AFTPH: variants seen among roughly 807,000 people sequenced by gnomAD.
AFTPH encodes aftiphilin protein.
A neutral mutation model predicts 72.5 loss-of-function variants in AFTPH; 7 were observed. The observed-to-expected ratio is 0.10, with a 90% CI of 0.05 to 0.18. The LOEUF is 0.18. Ranked by LOEUF, AFTPH falls within the 10% of genes least tolerant of loss-of-function variation. AFTPH has a pLI of 1.00. For missense variants in AFTPH, 979 were observed against 1,060.5 expected (o/e 0.92, Z 1.07); for synonymous variants, 337 against 370.1 (o/e 0.91, Z 1.03).
intron 1 of AFTPH, among the ~76,000 whole-genome samples, chr2:64,535,945 TAAAAC>T (rs1669858803): frequency 6.6e-6 from 1 of 152,218 alleles, no homozygotes; most frequent in South Asian, 2.1e-4. Flanking sequence ...TGTGGGATGT[TAAAAC>T]AAATACAGTA....
At chr2:64,575,311 C>T (rs1327301319) in intron 6 of AFTPH, among the ~76,000 whole-genome samples, 6 of 152,098 alleles carry the variant, frequency 3.9e-5, no homozygotes, top group African/African-American at 1.4e-4. Flanking sequence ...TTGCTTGACT[C>T]CATACCTCTG....
rs1670227315 is a variant in AFTPH at position 64,541,141 on chromosome 2, A to T, written c.-32-10302A>T. 2.6e-5 allele frequency among the ~76,000 whole-genome samples: 4 copies of T among 152,158 alleles called. No homozygotes were observed. In the South Asian group the frequency reaches 8.3e-4, roughly 31 times the overall value. ...ATGAAGCATTTCCACCTCATATGAT[A>T]GTATGAGGAGATAATTGAGATAACT... On this transcript the variant is annotated intron_variant, in intron 1 of 8. Transcript: ENST00000238856.
At chr2:64,557,589 C>T (rs1407865367) in intron 2 of AFTPH, among the ~76,000 whole-genome samples, 3 of 152,180 alleles carry the variant, frequency 2.0e-5, no homozygotes, top group Non-Finnish European at 2.9e-5. Context: ...AAGCGAGTCT[C>T]GTGCCTCAGC....
intron 1 of AFTPH, among the ~76,000 whole-genome samples, chr2:64,529,360 C>G (rs1318735450): frequency 7.0e-6 from 1 of 142,940 alleles, no homozygotes; most frequent in Admixed American, 6.9e-5. Flanking sequence ...CAAGTGTGAT[C>G]TTTTTCTTAG....
At chr2:64,592,115 T>TA (rs35699964) in exon 9 of AFTPH, 93,924 of 837,746 alleles carry the variant, frequency 0.11, 1,041 homozygotes, top group African/African-American at 0.23. Flanking sequence ...CTGCTCTAAT[T>TA]AAAAAAAAAA....
At chr2:64,553,520 G>A (rs745856777) in intron 2 of AFTPH, 111 bp downstream of exon 2, 11 of 1,201,234 alleles carry the variant, frequency 9.2e-6, no homozygotes, top group South Asian at 1.8e-5. Flanking sequence ...AAGGAGTCTC[G>A]TTATGATGTA....
At position 64,569,613 on chromosome 2, in the gene AFTPH, G is replaced by A. The variant is rs183085258; in HGVS notation, c.2215-10G>A. ...TAAATATATGTTCTTTCTGTCTAACGTGTGTGTAGCTCTTCACGGGCAATA... is the reference window on the plus strand; with the variant it reads ...TAAATATATGTTCTTTCTGTCTAACATGTGTGTAGCTCTTCACGGGCAATA... On this transcript the variant is annotated splice_polypyrimidine_tract_variant and intron_variant, in intron 4 of 8. Transcript: ENST00000238856. 7.3e-4 allele frequency: 1,180 copies of A among 1,613,032 alleles called. 7 individuals are homozygous for A. Among genetic ancestry groups the A allele is most frequent in the Non-Finnish European group, 5.8e-4 (680 of 1,179,312 alleles).
At chr2:64,568,501 G>A (rs1241617893) in intron 3 of AFTPH, among the ~76,000 whole-genome samples, 1 of 152,154 alleles carries the variant, frequency 6.6e-6, no homozygotes, top group Non-Finnish European at 1.5e-5. Flanking sequence ...TTTTGGTGGA[G>A]CATATCCTCC....
intron 1 of AFTPH, among the ~76,000 whole-genome samples, chr2:64,526,967 T>G (rs1205385369): frequency 2.6e-5 from 4 of 152,222 alleles, no homozygotes; most frequent in African/African-American, 9.6e-5. Flanking sequence ...CAGATCCGTT[T>G]GCTAGACCAT....
intron 7 of AFTPH, among the ~76,000 whole-genome samples, chr2:64,583,613 G>T (rs893115108): frequency 3.9e-5 from 6 of 152,102 alleles, no homozygotes; most frequent in Admixed American, 3.3e-4. Context: ...GTGGTTGCTG[G>T]AATCTAGCCT....
intron 1 of AFTPH, among the ~76,000 whole-genome samples, chr2:64,540,467 T>C (rs1183833002): frequency 1.3e-5 from 2 of 152,170 alleles, no homozygotes; most frequent in Non-Finnish European, 1.5e-5. Context: ...CATGAAACTA[T>C]CCAAATGCAA....
At chr2:64,560,285 T>C (rs1217881812) in intron 2 of AFTPH, among the ~76,000 whole-genome samples, 1 of 151,862 alleles carries the variant, frequency 6.6e-6, no homozygotes, top group Non-Finnish European at 1.5e-5. Context: ...TAGGAATGAG[T>C]AAAAGTTGTC....
intron 8 of AFTPH, among the ~76,000 whole-genome samples, chr2:64,586,126 C>T (rs1573049326): frequency 1.3e-5 from 2 of 152,242 alleles, no homozygotes; most frequent in Non-Finnish European, 1.5e-5. Flanking sequence ...CATGTGTTTG[C>T]GATTCAGAGA....
chr2:64,551,464 GC>G (rs1221291650), exon 2 of AFTPH: 1 of 1,592,738 alleles, frequency 6.3e-7, no homozygotes, highest in East Asian at 2.2e-5. Context: ...TTATTTGAAA[GC>G]AACTGAACAA....
intron 8 of AFTPH, among the ~76,000 whole-genome samples, chr2:64,585,951 C>G (rs1476293772): frequency 1.3e-5 from 2 of 152,140 alleles, no homozygotes; most frequent in African/African-American, 4.8e-5. Flanking sequence ...TTTTTACTTG[C>G]AGGCTAAGAT....
At chr2:64,541,347 G>T (rs187263408) in intron 1 of AFTPH, among the ~76,000 whole-genome samples, 27 of 151,984 alleles carry the variant, frequency 1.8e-4, no homozygotes, top group African/African-American at 6.5e-4. Flanking sequence ...CTGATATCTT[G>T]GGTTTTTGTT....
chr2:64,526,690 TCA>T (rs1669287271), intron 1 of AFTPH, among the ~76,000 whole-genome samples: 1 of 152,232 alleles, frequency 6.6e-6, no homozygotes, highest in Admixed American at 6.5e-5. Flanking sequence ...AATCATTTTC[TCA>T]GTTTGTGCAT....
intron 7 of AFTPH, chr2:64,580,532 T>C (rs1000053713): frequency 2.6e-5 from 4 of 152,670 alleles, no homozygotes; most frequent in African/African-American, 7.2e-5. Context: ...CACTTTTTGC[T>C]GTTGTCTGGT....
At chr2:64,531,380 C>G (rs1296100517) in intron 1 of AFTPH, among the ~76,000 whole-genome samples, 17 of 152,172 alleles carry the variant, frequency 1.1e-4, no homozygotes, top group Admixed American at 1.1e-3. Context: ...CTCAGATGAT[C>G]AGTAATATGC....
Sources: allele counts gnomAD v4.1 joint callset (sites outside exome capture counted in the v4.1 genomes callset), GRCh38; gene constraint gnomAD v4.1.1; transcripts MANE v1.5; gene names NCBI Gene and HGNC (gene_info 2026-07-23, HGNC 2026-07-21).